Variants in OCA2 observed in about 807,000 individuals in gnomAD.
OCA2 encodes P protein.
OCA2 carries 77 observed loss-of-function variants against 100.2 expected under a neutral mutation model. The ratio of observed to expected loss-of-function variants is 0.77; its 90% CI spans 0.64 to 0.93. The LOEUF is 0.93. Ranked by LOEUF, OCA2 falls within the 40% of genes least tolerant of loss-of-function variation. OCA2 has a pLI of 0.00. For missense variants in OCA2, 1,062 were observed against 1,089.1 expected (o/e 0.98, Z 0.35); for synonymous variants, 432 against 439.2 (o/e 0.98, Z 0.21).
At chr15:28,014,642 T>C in intron 9 of OCA2, 134 bp downstream of exon 9, 1 of 983,854 alleles carries the variant, frequency 1.0e-6, no homozygotes, top group Non-Finnish European at 1.5e-6. Context: ...AGGGACACGC[T>C]AATCTTTAGG....
At chr15:27,937,634 G>A (rs1172620739) in intron 18 of OCA2, among the ~76,000 whole-genome samples, 1 of 151,974 alleles carries the variant, frequency 6.6e-6, no homozygotes, top group Non-Finnish European at 1.5e-5. Flanking sequence ...GTTAAATTTT[G>A]CATTTTACTC....
At chr15:28,056,745 G>A (rs922625307) in intron 2 of OCA2, among the ~76,000 whole-genome samples, 4 of 152,226 alleles carry the variant, frequency 2.6e-5, no homozygotes, top group East Asian at 1.9e-4. Flanking sequence ...CTCATCACGC[G>A]CTCCTATCCC....
intron 18 of OCA2, among the ~76,000 whole-genome samples, chr15:27,940,065 T>C (rs76793130): frequency 0.018 from 2,746 of 152,248 alleles, 90 homozygotes; most frequent in African/African-American, 0.063. Context: ...AGCTTTGCCG[T>C]TGGGACTGAA....
the OCA2 span, among the ~76,000 whole-genome samples, chr15:27,721,881 A>G: frequency 6.6e-6 from 1 of 151,468 alleles, no homozygotes; most frequent in Non-Finnish European, 1.5e-5. Flanking sequence ...AAAAAGTGAC[A>G]AGAAGAAAAT....
chr15:27,834,605 A>T (rs961514035), intron 23 of OCA2, among the ~76,000 whole-genome samples: 1 of 152,170 alleles, frequency 6.6e-6, no homozygotes, highest in Non-Finnish European at 1.5e-5. Flanking sequence ...TGAGGGATGG[A>T]GCCCTTAGCC....
chr15:27,954,118 C>G (rs1260068872), intron 17 of OCA2, among the ~76,000 whole-genome samples: 6 of 18,778 alleles, frequency 3.2e-4, no homozygotes, highest in Admixed American at 1.7e-3. Flanking sequence ...CCATGGCATA[C>G]ACACACACAC....
chr15:27,813,261 G>A (rs999228082), intron 23 of OCA2, among the ~76,000 whole-genome samples: 13 of 152,150 alleles, frequency 8.5e-5, no homozygotes, highest in African/African-American at 3.1e-4. Flanking sequence ...CAGGCTCTCC[G>A]GGGTCCCAGC....
chr15:27,734,605 C>T, the OCA2 span, among the ~76,000 whole-genome samples: 1 of 152,212 alleles, frequency 6.6e-6, no homozygotes, highest in East Asian at 1.9e-4. Flanking sequence ...TGTGGGGCTT[C>T]AGGGCTGTGA....
At chr15:27,861,060 T>G (rs2036111997) in intron 21 of OCA2, among the ~76,000 whole-genome samples, 1 of 152,190 alleles carries the variant, frequency 6.6e-6, no homozygotes, top group Non-Finnish European at 1.5e-5. Flanking sequence ...GAACAATACG[T>G]CTGAAGCTCC....
At chr15:28,080,605 C>A (rs1212810641) in intron 2 of OCA2, among the ~76,000 whole-genome samples, 1 of 152,170 alleles carries the variant, frequency 6.6e-6, no homozygotes, top group African/African-American at 2.4e-5. Context: ...CCCCCTGGAG[C>A]GGGCAGGATG....
intron 19 of OCA2, among the ~76,000 whole-genome samples, chr15:27,876,953 C>T (rs1276292414): frequency 6.6e-6 from 1 of 151,790 alleles, no homozygotes; most frequent in Non-Finnish European, 1.5e-5. Context: ...ACTTTCCATT[C>T]CAGCTTCTTA....
At position 27,985,100 on chromosome 15, in the gene OCA2, A is replaced by G. The variant is rs1325388159; in HGVS notation, c.1328T>C (p.Val443Ala). The G allele has an allele frequency of 6.2e-7, 1 of 1,613,898 alleles. No homozygotes were observed. Among genetic ancestry groups the G allele is most frequent in the Admixed American group, 1.7e-5 (1 of 59,994 alleles). ...AAVLSAFLDN[V>A]TTMLLFTPVT... is the part of the protein sequence containing the mutation. ...AGGCGTGAAGAGGAGCATGGTGGTG[A>G]CGTTGTCCAAGAAGGCAGAGAGGAC... The change falls in exon 13 of 24, where the codon GTC (valine) becomes GCC (alanine). Residue 443 changes from valine to alanine, a missense_variant. Coordinates refer to ENST00000354638, the MANE Select transcript of OCA2 (RefSeq NM_000275.3).
intron 15 of OCA2, among the ~76,000 whole-genome samples, chr15:27,960,762 G>C (rs2040383530): frequency 6.6e-6 from 1 of 152,040 alleles, no homozygotes; most frequent in African/African-American, 2.4e-5. Flanking sequence ...AAATTAGCTG[G>C]GCATGGTGGC....
intron 18 of OCA2, among the ~76,000 whole-genome samples, chr15:27,935,932 C>A (rs960329673): frequency 1.3e-5 from 2 of 152,210 alleles, no homozygotes; most frequent in African/African-American, 2.4e-5. Context: ...CCTTGAGGCA[C>A]ACAGGATGCA....
intron 19 of OCA2, among the ~76,000 whole-genome samples, chr15:27,904,317 G>A (rs1278454928): frequency 1.3e-5 from 2 of 152,188 alleles, no homozygotes; most frequent in Non-Finnish European, 2.9e-5. Context: ...GGCTGGGAGC[G>A]CTGGGGGACA....
chr15:27,945,972 A>G (rs2039818370), intron 18 of OCA2, among the ~76,000 whole-genome samples: 1 of 152,172 alleles, frequency 6.6e-6, no homozygotes, highest in Non-Finnish European at 1.5e-5. Flanking sequence ...CTTTTTCTAT[A>G]TATTTTGATG....
chr15:27,948,762 G>C (rs141896899), intron 18 of OCA2, among the ~76,000 whole-genome samples: 4 of 152,130 alleles, frequency 2.6e-5, no homozygotes, highest in Admixed American at 6.6e-5. Flanking sequence ...CACTGTGCCC[G>C]GCCAAACATG....
At chr15:27,764,995 C>T (rs762636003) in intron 23 of OCA2, among the ~76,000 whole-genome samples, 2 of 152,096 alleles carry the variant, frequency 1.3e-5, no homozygotes, top group African/African-American at 2.4e-5. Flanking sequence ...ATTATTCATG[C>T]GTTTTCCAGG....
chr15:27,750,474 C>T (rs367957552), downstream of OCA2, among the ~76,000 whole-genome samples: 11 of 152,156 alleles, frequency 7.2e-5, no homozygotes, highest in East Asian at 9.6e-4. Flanking sequence ...TAATATTGGG[C>T]ATATAGAGAA....
Sources: allele counts gnomAD v4.1 joint callset (sites outside exome capture counted in the v4.1 genomes callset), GRCh38; gene constraint gnomAD v4.1.1; transcripts MANE v1.5; gene names NCBI Gene and HGNC (gene_info 2026-07-23, HGNC 2026-07-21).